The following DYRK4 variants were observed in gnomAD, a reference collection of about 807,000 sequenced individuals.
DYRK4 encodes the protein dual specificity tyrosine phosphorylation regulated kinase 4.
In DYRK4, 64 loss-of-function variants were observed where a neutral mutation model predicts 68.3. That is an observed-to-expected ratio of 0.94 (90% CI 0.77 to 1.15). The LOEUF is 1.15. Among genes scored for constraint, DYRK4 ranks in the 50% most tolerant of loss-of-function variants. The pLI, the probability that DYRK4 is intolerant of heterozygous loss-of-function variation, is 0.00. For synonymous variants in DYRK4, 274 were observed against 289.9 expected, an observed-to-expected ratio of 0.95 and a Z score of 0.56; for missense variants, 740 against 764.7, an observed-to-expected ratio of 0.97 and a Z score of 0.38.
Position 4,610,050 on chromosome 12 carries a change from AAGAC to A in DYRK4, c.1361-101_1361-98del, listed in dbSNP as rs1056578494. ...GGGGTGTGGCATGAGGCGAGTGTGT[AAGAC>A]AGAGAGCAAAAGAGCTACAGAGGCC... On this transcript the variant is annotated intron_variant, in intron 12 of 14. Transcript: ENST00000543431. 151 of 1,000,896 alleles carry A rather than the reference AAGAC, an allele frequency of 1.5e-4. No individual in the cohort carries two copies. In the African/African-American group the frequency reaches 2.0e-3, roughly 13 times the overall value. The allele number at this position is 1,000,896 out of a possible 1,614,324, so 62.0% of individuals were successfully genotyped here.
At chr12:4,573,071 G>T in intron 2 of DYRK4, 1 of 334,302 alleles carries the variant, frequency 3.0e-6, no homozygotes, top group Non-Finnish European at 5.8e-6. Context: ...TGCTAGTTCT[G>T]TCTAGGTTTT....
chr12:4,574,503 T>C (rs1344087785), intron 2 of DYRK4, among the ~76,000 whole-genome samples: 1 of 152,184 alleles, frequency 6.6e-6, no homozygotes, highest in Non-Finnish European at 1.5e-5. Context: ...TGGTATAACA[T>C]TTGGCCGCTT....
intron 11 of DYRK4, among the ~76,000 whole-genome samples, chr12:4,605,728 G>GTTTTTTTTTTT (rs780888385): frequency 4.4e-5 from 3 of 68,938 alleles, no homozygotes; most frequent in African/African-American, 6.6e-5. Flanking sequence ...AATAGAGCTG[G>GTTTTTTTTTTT]GTTTTTTTTT....
intron 10 of DYRK4, among the ~76,000 whole-genome samples, chr12:4,600,318 C>T (rs1945067130): frequency 6.6e-6 from 1 of 151,910 alleles, no homozygotes; most frequent in Admixed American, 6.6e-5. Context: ...AGAACACGTA[C>T]CATTCAACAG....
At position 4,591,474 on chromosome 12, in the gene DYRK4, A is replaced by G; in HGVS notation, c.463+176A>G. On this transcript the variant is annotated intron_variant, in intron 5 of 14. Coordinates refer to ENST00000543431, the MANE Select transcript of DYRK4 (RefSeq NM_001394779.1). This position sits in a 1 kb window ranked among gnomAD's most constrained non-coding sequence, Gnocchi z 4.1. ...AACCTCTGACTGTGGTAGTATAAGCAAGAGGCTGAATAGGAGGCTGAATTT... is the reference window on the plus strand; with the variant it reads ...AACCTCTGACTGTGGTAGTATAAGCGAGAGGCTGAATAGGAGGCTGAATTT... 1.1e-6 allele frequency: 1 copy of G among 889,078 alleles called. No homozygotes were observed. Among genetic ancestry groups the G allele is most frequent in the Non-Finnish European group, 1.6e-6 (1 of 610,494 alleles). The allele number at this position is 889,078 out of a possible 1,614,324, so 55.1% of individuals were successfully genotyped here. A position where few individuals can be genotyped will look rare whatever the true frequency, so the allele number is the denominator to read the frequency against.
At chr12:4,604,747 C>A in intron 10 of DYRK4, 167 bp from the exon 11 acceptor site, 2 of 691,782 alleles carry the variant, frequency 2.9e-6, no homozygotes, top group Non-Finnish European at 4.2e-6. Flanking sequence ...AGGTTGCTGG[C>A]GGATTTGATG....
At chr12:4,588,586 G>A (rs796676130) in intron 2 of DYRK4, among the ~76,000 whole-genome samples, 3 of 152,168 alleles carry the variant, frequency 2.0e-5, no homozygotes, top group Middle Eastern at 3.2e-3. Context: ...CAAGGCAATG[G>A]CCATTTTCTT....
chr12:4,562,399 G>C, intron 1 of DYRK4, 116 bp downstream of exon 1: 1 of 1,295,240 alleles, frequency 7.7e-7, no homozygotes, highest in Non-Finnish European at 1.0e-6. Context: ...CAGAATGCAA[G>C]AGCTGACCGG....
At chr12:4,599,920 C>G in intron 10 of DYRK4, 132 bp downstream of exon 10, 1 of 710,762 alleles carries the variant, frequency 1.4e-6, no homozygotes, top group Non-Finnish European at 2.4e-6. Flanking sequence ...CAAGGTGCTT[C>G]GCTTCTCTGA....
chr12:4,570,139 C>CTA (rs1944716584), intron 2 of DYRK4, among the ~76,000 whole-genome samples: 1 of 151,264 alleles, frequency 6.6e-6, no homozygotes, highest in Non-Finnish European at 1.5e-5. Flanking sequence ...TACTTGGGAG[C>CTA]CTGAGGTAGT....
At chr12:4,609,928 T>G (rs1945198422) in intron 12 of DYRK4, 1 of 314,854 alleles carries the variant, frequency 3.2e-6, no homozygotes, top group African/African-American at 2.1e-5. Context: ...CAGAACATAC[T>G]GAATAGTAGG....
chr12:4,585,123 A>G (rs1236846054), intron 2 of DYRK4, among the ~76,000 whole-genome samples: 1 of 152,148 alleles, frequency 6.6e-6, no homozygotes, highest in Non-Finnish European at 1.5e-5. Context: ...TCTCTTAGTG[A>G]TGACAAGCAC....
At chr12:4,602,720 T>A (rs1196746084) in intron 10 of DYRK4, 22 of 1,500,394 alleles carry the variant, frequency 1.5e-5, no homozygotes, top group Non-Finnish European at 2.0e-5. Flanking sequence ...CCCTGACTCT[T>A]CAATGTCTTG....
At position 4,602,259 on chromosome 12, in the gene DYRK4, T is replaced by C; in HGVS notation, c.1126+2471T>C. On this transcript the variant is annotated intron_variant, in intron 10 of 14. Coordinates refer to ENST00000543431, the MANE Select transcript of DYRK4 (RefSeq NM_001394779.1). Reference sequence around the variant, plus strand: ...TCCTCATTTCTAAGACCTGCTCTCTTTTCTTTTGCAACCATGCTTTAAATA... The same window carrying C: ...TCCTCATTTCTAAGACCTGCTCTCTCTTCTTTTGCAACCATGCTTTAAATA... 2.8e-6 allele frequency: 3 copies of C among 1,082,774 alleles called. No homozygotes were observed. In the South Asian group the frequency reaches 3.7e-5, roughly 13 times the overall value. 67.1% of individuals were successfully genotyped at this position (1,082,774 alleles called of 1,614,324 possible).
intron 1 of DYRK4, chr12:4,563,063 G>A: frequency 2.2e-6 from 1 of 456,100 alleles, no homozygotes; most frequent in Non-Finnish European, 4.4e-6. Context: ...CCAGGCTTAA[G>A]TGGAGACTCG....
chr12:4,574,129 G>A (rs575303206), intron 2 of DYRK4, among the ~76,000 whole-genome samples: 15 of 151,982 alleles, frequency 9.9e-5, no homozygotes, highest in African/African-American at 3.4e-4. Context: ...GGAGGCTGAG[G>A]CAGGAGAATT....
At chr12:4,597,036 T>C in intron 8 of DYRK4, 1 of 1,183,144 alleles carries the variant, frequency 8.5e-7, no homozygotes, top group Non-Finnish European at 1.0e-6. Context: ...AAAAAGGACA[T>C]TTCTTTGTTT....
chr12:4,582,376 G>A (rs1051416591), intron 2 of DYRK4, among the ~76,000 whole-genome samples: 9 of 152,174 alleles, frequency 5.9e-5, no homozygotes, highest in African/African-American at 1.7e-4. Flanking sequence ...CCTGGGAGGC[G>A]GAGGTTGCGG....
At chr12:4,607,481 C>G (rs559194593) in intron 12 of DYRK4, 94 bp downstream of exon 12, 1 of 1,361,662 alleles carries the variant, frequency 7.3e-7, no homozygotes, top group Non-Finnish European at 1.0e-6. Context: ...GGCCACATAC[C>G]AAAGGGCTGT....
Sources: gnomAD v4.1 joint callset for allele counts (sites outside exome capture counted in the v4.1 genomes callset) on GRCh38, gnomAD v4.1.1 for gene constraint, Gnocchi (gnomAD v3.1) non-coding constraint, MANE v1.5 for transcripts, NCBI Gene and HGNC (gene_info 2026-07-23, HGNC 2026-07-21) for gene names.